The following C11orf65 variants were observed in gnomAD, a reference collection of about 807,000 sequenced individuals.
C11orf65 encodes chromosome 11 open reading frame 65.
A neutral mutation model predicts 35.3 loss-of-function variants in C11orf65; 38 were observed. That is an observed-to-expected ratio of 1.08 (90% CI 0.83 to 1.41). The LOEUF is 1.41. C11orf65 is among the 40% of genes most tolerant of loss of function. The pLI, the probability that C11orf65 is intolerant of heterozygous loss-of-function variation, is 0.00. For synonymous variants in C11orf65, 105 were observed against 114.4 expected (o/e 0.92, Z 0.53); for missense variants, 370 against 367.1 (o/e 1.01, Z -0.06).
intron 6 of C11orf65, among the ~76,000 whole-genome samples, chr11:108,396,562 T>G (rs930927586): frequency 6.6e-6 from 1 of 152,050 alleles, no homozygotes; most frequent in Non-Finnish European, 1.5e-5. Flanking sequence ...CCGGTTGCGG[T>G]GGCTTATGCC....
intron 6 of C11orf65, among the ~76,000 whole-genome samples, chr11:108,310,755 A>C (rs866996320): frequency 6.6e-6 from 1 of 152,196 alleles, no homozygotes; most frequent in Non-Finnish European, 1.5e-5. Context: ...CAAAATGGCT[A>C]TAATGTGACT....
chr11:108,434,010 T>G (rs1001093416), intron 2 of C11orf65, among the ~76,000 whole-genome samples: 1 of 152,168 alleles, frequency 6.6e-6, no homozygotes, highest in Non-Finnish European at 1.5e-5. Flanking sequence ...AAGAGGTATG[T>G]GCAGACTTCT....
downstream of C11orf65, among the ~76,000 whole-genome samples, chr11:108,380,762 A>G (rs184278738): frequency 2.0e-5 from 3 of 152,364 alleles, no homozygotes; most frequent in South Asian, 2.1e-4. Flanking sequence ...CAACATGATT[A>G]TATCAGACCC....
At chr11:108,354,449 T>C (rs1306792971) in intron 2 of C11orf65, among the ~76,000 whole-genome samples, 4 of 152,226 alleles carry the variant, frequency 2.6e-5, no homozygotes, top group African/African-American at 9.6e-5. Context: ...CAGTTCCTTG[T>C]AGTTTTCCCA....
rs762980681 is a variant in C11orf65, at chr11:108,461,567, T to G, written c.-8A>C. ...TTCCTCTTTCCAAGGCATTTGAAAT[T>G]CCTAAAAGAAAATGAGCAAAAAGGG... On this transcript the variant is annotated splice_region_variant and 5_prime_UTR_variant, in exon 2 of 9. Transcript: ENST00000393084. 2.5e-6 allele frequency: 4 copies of G among 1,574,212 alleles called. No homozygotes were observed. The South Asian group carries it at 4.7e-5, about 19-fold the overall frequency.
At chr11:108,403,347 T>C (rs2092473385) in intron 6 of C11orf65, among the ~76,000 whole-genome samples, 1 of 151,808 alleles carries the variant, frequency 6.6e-6, no homozygotes, top group Non-Finnish European at 1.5e-5. Flanking sequence ...TAGGTATGTA[T>C]CTTCACTGAT....
At chr11:108,434,436 C>T (rs1382087552) in intron 2 of C11orf65, among the ~76,000 whole-genome samples, 2 of 150,696 alleles carry the variant, frequency 1.3e-5, no homozygotes, top group South Asian at 2.1e-4. Flanking sequence ...ATCTGGCAAG[C>T]GGAGGTTGCA....
chr11:108,453,319 A>T (rs2093374801), intron 2 of C11orf65, among the ~76,000 whole-genome samples: 1 of 152,014 alleles, frequency 6.6e-6, no homozygotes, highest in African/African-American at 2.4e-5. Context: ...CAAGAAAGGG[A>T]AAAGGGAGGG....
At chr11:108,375,726 G>A (rs549296658) in intron 2 of C11orf65, among the ~76,000 whole-genome samples, 3 of 152,136 alleles carry the variant, frequency 2.0e-5, no homozygotes, top group Admixed American at 2.0e-4. Context: ...TCAGTGTGCT[G>A]TATTCAGGAA....
intron 6 of C11orf65, chr11:108,321,174 T>G: frequency 1.6e-6 from 2 of 1,247,620 alleles, no homozygotes; most frequent in South Asian, 2.7e-5. Flanking sequence ...TATTCACTGT[T>G]GCTTGTTAGT....
downstream of C11orf65, chr11:108,327,317 G>T: frequency 3.4e-6 from 1 of 290,190 alleles, no homozygotes; most frequent in Non-Finnish European, 6.7e-6. Flanking sequence ...GCAAATTGGG[G>T]TAATAATAGT....
At chr11:108,425,302 A>T (rs1229536017) in intron 3 of C11orf65, among the ~76,000 whole-genome samples, 1 of 152,226 alleles carries the variant, frequency 6.6e-6, no homozygotes, top group South Asian at 2.1e-4. Context: ...ACAATAAAAA[A>T]TGATAAAGAT....
chr11:108,313,813 C>T (rs1022612568), intron 6 of C11orf65, among the ~76,000 whole-genome samples: 1 of 152,158 alleles, frequency 6.6e-6, no homozygotes, highest in Non-Finnish European at 1.5e-5. Context: ...ACAGAGCAAG[C>T]ACCATATAGG....
chr11:108,347,668 A>G (rs1215806960), intron 2 of C11orf65, among the ~76,000 whole-genome samples: 1 of 152,134 alleles, frequency 6.6e-6, no homozygotes, highest in Admixed American at 6.5e-5. Context: ...TTCCACCAAA[A>G]CAAGGAGTAA....
At position 108,408,882 on chromosome 11, in the gene C11orf65, G is replaced by A. The variant is rs866488304; in HGVS notation, c.175-1733C>T. Among the ~76,000 whole-genome samples the A allele has an allele frequency of 2.0e-5, 3 of 151,880 alleles. No individual in the cohort carries two copies. In the South Asian group the frequency reaches 6.2e-4, roughly 31 times the overall value. The stretch of plus-strand genomic sequence containing the variant: ...TATTAGGTTAGATCAGAAAATAGAT[G>A]TTATTCAACCTATAGAGTCTTAAAG... On this transcript the variant is annotated intron_variant, in intron 3 of 8. Transcript: ENST00000393084.
At chr11:108,331,785 GAC>G in intron 3 of C11orf65, 1 of 1,447,346 alleles carries the variant, frequency 6.9e-7, no homozygotes, top group Non-Finnish European at 9.6e-7. Flanking sequence ...GCAGTATCTA[GAC>G]AGTAATACAC....
At chr11:108,431,723 A>T (rs747070905) in intron 3 of C11orf65, 23 bp downstream of exon 3, 1 of 1,215,254 alleles carries the variant, frequency 8.2e-7, no homozygotes, top group Non-Finnish European at 1.1e-6. Flanking sequence ...ATAGGATGCT[A>T]TATCAATAAG....
At chr11:108,457,536 C>T (rs1268572035) in intron 2 of C11orf65, among the ~76,000 whole-genome samples, 2 of 151,824 alleles carry the variant, frequency 1.3e-5, no homozygotes, top group Non-Finnish European at 2.9e-5. Flanking sequence ...CCCAGGTACT[C>T]GGGAGGCTGA....
intron 2 of C11orf65, among the ~76,000 whole-genome samples, chr11:108,460,282 T>G (rs1300286387): frequency 2.0e-5 from 3 of 152,156 alleles, no homozygotes; most frequent in Admixed American, 2.0e-4. Flanking sequence ...AACAGAGCCA[T>G]ATTACTTCAC....
Sources: gnomAD v4.1 joint callset for allele counts (sites outside exome capture counted in the v4.1 genomes callset) on GRCh38, gnomAD v4.1.1 for gene constraint, MANE v1.5 for transcripts, NCBI Gene and HGNC (gene_info 2026-07-23, HGNC 2026-07-21) for gene names.